NARS2: variants seen among roughly 807,000 people sequenced by gnomAD.
NARS2 encodes the protein asparaginyl-tRNA synthetase 2, mitochondrial, also known as asparaginyl-tRNA synthetase.
Under a neutral mutation model 62.9 loss-of-function variants are expected in NARS2, and 60 were observed. The observed-to-expected ratio is 0.95, with a 90% CI of 0.77 to 1.18. NARS2 has a LOEUF of 1.18. Ranked by LOEUF, NARS2 falls within the 50% of genes most tolerant of loss-of-function variation. The probability of loss-of-function intolerance (pLI) is 0.00; values close to 1 mark genes in which losing one functional copy is unlikely to be tolerated. For missense variants in NARS2, 619 were observed against 576.4 expected, an observed-to-expected ratio of 1.07 and a Z score of -0.76; for synonymous variants, 196 against 200.0, an observed-to-expected ratio of 0.98 and a Z score of 0.17.
intron 7 of NARS2, among the ~76,000 whole-genome samples, chr11:78,484,221 C>T (rs1859477341): frequency 6.6e-6 from 1 of 152,102 alleles, no homozygotes; most frequent in Admixed American, 6.6e-5. Context: ...CTTCCTTACA[C>T]CTTATATAAA....
chr11:78,546,521 C>T (rs1855882699), intron 5 of NARS2: 1 of 152,146 alleles, frequency 6.6e-6, no homozygotes, highest in Admixed American at 6.5e-5. Flanking sequence ...TTATTGTCTC[C>T]TCTTCTACAA....
intron 13 of NARS2, among the ~76,000 whole-genome samples, chr11:78,438,409 C>G (rs1857476980): frequency 6.6e-6 from 1 of 152,102 alleles, no homozygotes; most frequent in South Asian, 2.1e-4. Context: ...TACACTTTGA[C>G]TCAGTGATGA....
At chr11:78,446,985 A>G (rs958655809) in intron 11 of NARS2, among the ~76,000 whole-genome samples, 3 of 152,142 alleles carry the variant, frequency 2.0e-5, no homozygotes, top group African/African-American at 4.8e-5. Flanking sequence ...AGGAACTCAT[A>G]CAACTCAACA....
chr11:78,540,848 T>C (rs574422182), intron 5 of NARS2, among the ~76,000 whole-genome samples: 3 of 152,300 alleles, frequency 2.0e-5, no homozygotes, highest in Non-Finnish European at 2.9e-5. Context: ...ACGATACAGA[T>C]AGTAAAGAAT....
chr11:78,537,117 T>C (rs1855385957), intron 5 of NARS2, among the ~76,000 whole-genome samples: 1 of 152,162 alleles, frequency 6.6e-6, no homozygotes, highest in Non-Finnish European at 1.5e-5. Context: ...TCTATGATGG[T>C]TGCACAATGA....
intron 11 of NARS2, among the ~76,000 whole-genome samples, chr11:78,454,123 A>T (rs1858067615): frequency 1.3e-5 from 2 of 150,948 alleles, no homozygotes; most frequent in South Asian, 4.1e-4. Context: ...TCCACTTGAG[A>T]GAGGACAACA....
intron 6 of NARS2, among the ~76,000 whole-genome samples, chr11:78,521,651 G>A (rs560395240): frequency 3.1e-4 from 47 of 151,918 alleles, no homozygotes; most frequent in South Asian, 2.9e-3. Flanking sequence ...TTAGCCGGGC[G>A]TAGTGGCGGG....
chr11:78,486,249 A>G (rs1318404598), intron 7 of NARS2, among the ~76,000 whole-genome samples: 3 of 152,074 alleles, frequency 2.0e-5, no homozygotes, highest in African/African-American at 7.2e-5. Context: ...AATGAATAAC[A>G]TGGTGGCAAC....
chr11:78,547,000 C>T (rs113965165), intron 5 of NARS2, among the ~76,000 whole-genome samples: 5 of 152,166 alleles, frequency 3.3e-5, no homozygotes, highest in South Asian at 2.1e-4. Context: ...TATTCTGCTA[C>T]GATTTCACGT....
intron 9 of NARS2, among the ~76,000 whole-genome samples, chr11:78,471,180 G>A (rs1204697220): frequency 2.6e-5 from 4 of 152,108 alleles, no homozygotes; most frequent in East Asian, 3.9e-4. Context: ...CAGTAATAAC[G>A]ATTTTAAAAT....
At chr11:78,498,256 T>C (rs980987786) in intron 6 of NARS2, among the ~76,000 whole-genome samples, 8 of 151,872 alleles carry the variant, frequency 5.3e-5, no homozygotes, top group East Asian at 1.9e-4. Context: ...CAGATTTTAT[T>C]TGATACACCT....
intron 13 of NARS2, among the ~76,000 whole-genome samples, chr11:78,438,251 C>T (rs1857471362): frequency 6.6e-6 from 1 of 151,744 alleles, no homozygotes; most frequent in South Asian, 2.1e-4. Flanking sequence ...AGGTAAGAGA[C>T]CAACATTACA....
chr11:78,520,149 T>C (rs1861062034), intron 6 of NARS2, among the ~76,000 whole-genome samples: 1 of 152,246 alleles, frequency 6.6e-6, no homozygotes, highest in African/African-American at 2.4e-5. Context: ...TGCTATATTC[T>C]GTTGGCTTAA....
intron 6 of NARS2, among the ~76,000 whole-genome samples, chr11:78,508,419 T>C (rs910274081): frequency 2.0e-5 from 3 of 151,922 alleles, no homozygotes; most frequent in African/African-American, 4.8e-5. Context: ...TGAAACCCCG[T>C]CTCTACCAAA....
At chr11:78,534,329 T>G (rs6592788) in intron 5 of NARS2, among the ~76,000 whole-genome samples, 1 of 152,222 alleles carries the variant, frequency 6.6e-6, no homozygotes, top group Non-Finnish European at 1.5e-5. Context: ...AATAGGTACA[T>G]AGTGGTACTG....
intron 7 of NARS2, among the ~76,000 whole-genome samples, chr11:78,479,383 C>A (rs185492423): frequency 6.6e-6 from 1 of 152,058 alleles, no homozygotes; most frequent in Non-Finnish European, 1.5e-5. Context: ...GGTGTGTGCA[C>A]CTGTAGTCCC....
At chr11:78,494,015 C>T (rs1859946433) in intron 6 of NARS2, among the ~76,000 whole-genome samples, 1 of 152,162 alleles carries the variant, frequency 6.6e-6, no homozygotes, top group South Asian at 2.1e-4. Flanking sequence ...GTTCAAAGCC[C>T]ACTCAAGTCC....
At chr11:78,498,544 A>G (rs1364275507) in intron 6 of NARS2, among the ~76,000 whole-genome samples, 2 of 152,152 alleles carry the variant, frequency 1.3e-5, no homozygotes, top group African/African-American at 2.4e-5. Context: ...TCTAAGTTCC[A>G]AAAGTATATA....
chr11:78,574,171 G>C (rs541604293), intron 1 of NARS2, among the ~76,000 whole-genome samples, 177 bp downstream of exon 1: 1 of 152,200 alleles, frequency 6.6e-6, no homozygotes, highest in Non-Finnish European at 1.5e-5. Flanking sequence ...ACAGTTATCG[G>C]AACAGTTTTG....
Sources: allele counts gnomAD v4.1 joint callset (sites outside exome capture counted in the v4.1 genomes callset), GRCh38; gene constraint gnomAD v4.1.1; transcripts MANE v1.5; gene names NCBI Gene and HGNC (gene_info 2026-07-23, HGNC 2026-07-21).